DLG5: variants seen among roughly 807,000 people sequenced by gnomAD.
DLG5 encodes the protein discs large MAGUK scaffold protein 5, also known as disks large homolog 5.
A neutral mutation model predicts 189.8 loss-of-function variants in DLG5; 48 were observed. The observed-to-expected ratio is 0.25, with a 90% confidence interval of 0.20 to 0.32. DLG5 has a LOEUF of 0.32. Ranked by LOEUF, DLG5 falls within the 10% of genes least tolerant of loss-of-function variation. The pLI is 1.00. For missense variants in DLG5, 2,160 were observed against 2,544.7 expected, an observed-to-expected ratio of 0.85 and a Z score of 3.25; for synonymous variants, 1,016 against 1,054.1, an observed-to-expected ratio of 0.96 and a Z score of 0.70.
chr10:77,872,526 G>C (rs539372606), intron 1 of DLG5, among the ~76,000 whole-genome samples: 4 of 152,286 alleles, frequency 2.6e-5, no homozygotes, highest in East Asian at 3.9e-4. Flanking sequence ...AGGAGCTGGT[G>C]GGGGGAGTGG....
At chr10:77,799,617 T>C (rs950755158) in intron 27 of DLG5, among the ~76,000 whole-genome samples, 2 of 152,196 alleles carry the variant, frequency 1.3e-5, no homozygotes, top group African/African-American at 2.4e-5. Context: ...TTTTGGTTTG[T>C]TTTTGTTTTT....
intron 2 of DLG5, among the ~76,000 whole-genome samples, chr10:77,861,538 C>CA: frequency 6.6e-6 from 1 of 152,306 alleles, no homozygotes; most frequent in African/African-American, 2.4e-5. Context: ...CCAGACGTCT[C>CA]AGTCTACAGC....
chr10:77,931,116 G>C (rs907951718), upstream of DLG5, among the ~76,000 whole-genome samples: 6 of 151,742 alleles, frequency 4.0e-5, no homozygotes, highest in African/African-American at 1.5e-4. Flanking sequence ...CACCACACCT[G>C]GCCTTAATTT....
At chr10:77,838,730 C>T (rs1843270658) in intron 7 of DLG5, among the ~76,000 whole-genome samples, 1 of 152,232 alleles carries the variant, frequency 6.6e-6, no homozygotes, top group Non-Finnish European at 1.5e-5. Context: ...GGAGCTAGAC[C>T]TGCCAGAAGG....
intron 1 of DLG5, among the ~76,000 whole-genome samples, chr10:77,880,491 C>T (rs1845245088): frequency 6.6e-6 from 1 of 152,100 alleles, no homozygotes; most frequent in Non-Finnish European, 1.5e-5. Context: ...ACAAACTGAA[C>T]ACAACTGCAT....
intron 9 of DLG5, among the ~76,000 whole-genome samples, chr10:77,831,250 C>T (rs1008746114): frequency 1.3e-5 from 2 of 151,998 alleles, no homozygotes; most frequent in Non-Finnish European, 2.9e-5. Context: ...ACTAAAAATA[C>T]AAAAATTAGC....
rs1273890190 is a variant in DLG5, at chr10:77,807,949, C to T, written c.4648-5G>A. 1.2e-6 allele frequency: 2 copies of T among 1,613,938 alleles called. No individual in the cohort carries two copies. Among genetic ancestry groups the T allele is most frequent in the Non-Finnish European group, 1.7e-6 (2 of 1,180,012 alleles). ...CCGCACGTCCAGGCTGCCATACTGC[C>T]AGGGATGGGGGTGGATGCATCAGAA... On this transcript the variant is annotated splice_region_variant and splice_polypyrimidine_tract_variant and intron_variant, in intron 24 of 31. Coordinates refer to ENST00000372391, the MANE Select transcript of DLG5 (RefSeq NM_004747.4).
chr10:77,800,911 C>T (rs563068655), intron 27 of DLG5, among the ~76,000 whole-genome samples: 5 of 152,206 alleles, frequency 3.3e-5, no homozygotes, highest in Admixed American at 3.3e-4. Flanking sequence ...CCCCTAGGGT[C>T]AGGTGAACCA....
the DLG5 span, among the ~76,000 whole-genome samples, chr10:77,935,837 C>T: frequency 6.6e-6 from 1 of 152,146 alleles, no homozygotes; most frequent in Non-Finnish European, 1.5e-5. Flanking sequence ...GACAGGTTTC[C>T]TGTCCCACAT....
At chr10:77,872,838 C>T (rs1445293379) in intron 1 of DLG5, among the ~76,000 whole-genome samples, 3 of 152,100 alleles carry the variant, frequency 2.0e-5, no homozygotes, top group Non-Finnish European at 4.4e-5. Flanking sequence ...TCCTCATCTT[C>T]TGCCATGGCC....
chr10:77,809,562 C>G lies in DLG5; in HGVS notation c.4632G>C (p.Gly1544=). 1 of 1,613,286 alleles carries G rather than the reference C, an allele frequency of 6.2e-7. No homozygotes were observed. Residue 1544 remains glycine, a synonymous_variant, in exon 24 of 32, where the codon GGG becomes GGC. Transcript: ENST00000372391. ...CAGAACTCACCTCCAGGATGAGGTC[C>G]CCTGGCACGAGGCCGTCAGGACCCT... ...PAKGPDGLVP[G]DLILEYGSLD...
intron 1 of DLG5, among the ~76,000 whole-genome samples, chr10:77,924,897 G>A (rs554853106): frequency 3.9e-5 from 6 of 152,290 alleles, no homozygotes; most frequent in South Asian, 4.1e-4. Context: ...ACGTAAGAGA[G>A]CTGTTACCAG....
chr10:77,818,237 T>A (rs148658881), intron 17 of DLG5, among the ~76,000 whole-genome samples: 135 of 151,974 alleles, frequency 8.9e-4, no homozygotes, highest in African/African-American at 2.9e-3. Context: ...AGGAAGTGGG[T>A]AAGGAGAGAC....
Position 77,821,745 on chromosome 10 carries a change from C to T in DLG5, c.2739G>A (p.Arg913=). ...CGGTCTCAAAGGGCAGCAGTGGCCG[C>T]CGGCCACGCACGTCCACCAGCCCAA... The part of the protein sequence containing the change: ...RGFGLVDVRG[R]RPLLPFETEV... Residue 913 remains arginine, a synonymous_variant, in exon 15 of 32, where the codon CGG becomes CGA. Coordinates refer to ENST00000372391, the MANE Select transcript of DLG5 (RefSeq NM_004747.4). 1.2e-6 allele frequency: 2 copies of T among 1,609,380 alleles called. No homozygotes were observed. Among genetic ancestry groups the T allele is most frequent in the South Asian group, 1.1e-5 (1 of 90,798 alleles).
At chr10:77,909,586 G>T (rs961553267) in intron 1 of DLG5, among the ~76,000 whole-genome samples, 4 of 151,992 alleles carry the variant, frequency 2.6e-5, no homozygotes, top group African/African-American at 9.7e-5. Flanking sequence ...AGGACAGCTG[G>T]TCACCGTTTT....
At chr10:77,921,806 G>A (rs1846542857) in intron 1 of DLG5, among the ~76,000 whole-genome samples, 1 of 152,222 alleles carries the variant, frequency 6.6e-6, no homozygotes, top group Admixed American at 6.5e-5. Flanking sequence ...CAGTTCACTA[G>A]GAAAGTAAAG....
chr10:77,813,031 T>C (rs1841860612), intron 20 of DLG5, among the ~76,000 whole-genome samples: 1 of 152,186 alleles, frequency 6.6e-6, no homozygotes, highest in African/African-American at 2.4e-5. Context: ...ACGGGCAGCC[T>C]CAGAAGAGAT....
chr10:77,853,262 C>T, intron 5 of DLG5, 92 bp downstream of exon 5: 1 of 1,239,796 alleles, frequency 8.1e-7, no homozygotes, highest in Non-Finnish European at 1.1e-6. Flanking sequence ...GCCAACGTGC[C>T]CGGCCCAGCA....
At chr10:77,840,760 G>C (rs1258977258) in intron 7 of DLG5, among the ~76,000 whole-genome samples, 1 of 152,132 alleles carries the variant, frequency 6.6e-6, no homozygotes, top group Non-Finnish European at 1.5e-5. Flanking sequence ...AGAGGTTCGA[G>C]ACCACATGAC....
Sources: allele counts gnomAD v4.1 joint callset (sites outside exome capture counted in the v4.1 genomes callset), GRCh38; gene constraint gnomAD v4.1.1; transcripts MANE v1.5; gene names NCBI Gene and HGNC (gene_info 2026-07-23, HGNC 2026-07-21).